Variants in AGBL4 observed in about 807,000 individuals in gnomAD.
AGBL4 encodes AGBL carboxypeptidase 4, also known as cytosolic carboxypeptidase 6.
AGBL4 carries 58 observed loss-of-function variants against 66.4 expected under a neutral mutation model. The ratio of observed to expected loss-of-function variants is 0.87; its 90% CI spans 0.71 to 1.09. AGBL4 has a LOEUF of 1.09. Among genes scored for constraint, AGBL4 ranks in the 50% least tolerant of loss-of-function variants. AGBL4 has a pLI of 0.00. For missense variants in AGBL4, 579 were observed against 631.0 expected, an observed-to-expected ratio of 0.92 and a Z score of 0.88; for synonymous variants, 234 against 222.9, an observed-to-expected ratio of 1.05 and a Z score of -0.44.
chr1:48,680,211 G>T (rs763881163), intron 6 of AGBL4, among the ~76,000 whole-genome samples: 7 of 152,208 alleles, frequency 4.6e-5, no homozygotes, highest in Non-Finnish European at 1.0e-4. Flanking sequence ...GTCAAAAAAT[G>T]AGAACAAATT....
chr1:48,595,075 G>A (rs1644975386), intron 9 of AGBL4, among the ~76,000 whole-genome samples: 1 of 152,110 alleles, frequency 6.6e-6, no homozygotes, highest in Non-Finnish European at 1.5e-5. Flanking sequence ...TATTATAGAA[G>A]CTAATATCAT....
intron 5 of AGBL4, among the ~76,000 whole-genome samples, chr1:49,006,284 G>C (rs553137158): frequency 6.6e-6 from 1 of 152,124 alleles, no homozygotes; most frequent in Non-Finnish European, 1.5e-5. Flanking sequence ...CTGGAAAATC[G>C]GGTCACTCCC....
At chr1:48,637,415 G>T (rs762405493) in intron 8 of AGBL4, among the ~76,000 whole-genome samples, 1 of 152,160 alleles carries the variant, frequency 6.6e-6, no homozygotes, top group Admixed American at 6.5e-5. Flanking sequence ...GTTACTAGAT[G>T]GGGGGTTGAA....
At chr1:49,906,863 T>C (rs1312253440) in intron 1 of AGBL4, among the ~76,000 whole-genome samples, 2 of 152,116 alleles carry the variant, frequency 1.3e-5, no homozygotes, top group Non-Finnish European at 2.9e-5. Context: ...CCAGGAACTA[T>C]TTCACTCTGT....
At chr1:49,215,594 C>A (rs1411821012) in intron 4 of AGBL4, among the ~76,000 whole-genome samples, 3 of 152,070 alleles carry the variant, frequency 2.0e-5, no homozygotes, top group Non-Finnish European at 4.4e-5. Flanking sequence ...TTTCTGTACT[C>A]TTTTTCACAT....
At chr1:48,743,619 T>C (rs986430513) in intron 6 of AGBL4, among the ~76,000 whole-genome samples, 6 of 152,108 alleles carry the variant, frequency 3.9e-5, no homozygotes, top group African/African-American at 1.4e-4. Context: ...ATTTCAGGAG[T>C]TGACTAAGAT....
Position 49,059,679 on chromosome 1 carries a change from C to T in AGBL4, c.378-13879G>A, listed in dbSNP as rs573763782. 7.9e-5 allele frequency among the ~76,000 whole-genome samples: 12 copies of T among 152,244 alleles called. No individual in the cohort carries two copies. In the South Asian group the frequency reaches 2.5e-3, roughly 32 times the overall value. Reference sequence around the variant, plus strand: ...TAAAGCAGCCAGGAGGGGGACTGTACCCTGCAAAGCCACAGGGGCTTTGGC... The same window carrying T: ...TAAAGCAGCCAGGAGGGGGACTGTATCCTGCAAAGCCACAGGGGCTTTGGC... On this transcript the variant is annotated intron_variant, in intron 4 of 13. Coordinates refer to ENST00000371839, the MANE Select transcript of AGBL4 (RefSeq NM_032785.4).
chr1:48,625,312 T>A (rs1190877682), intron 9 of AGBL4, among the ~76,000 whole-genome samples: 3 of 152,108 alleles, frequency 2.0e-5, no homozygotes, highest in Non-Finnish European at 4.4e-5. Flanking sequence ...ATTATAGTCA[T>A]GCATTTCCAG....
chr1:49,366,780 G>A (rs11800335), intron 3 of AGBL4, among the ~76,000 whole-genome samples: 7,490 of 152,230 alleles, frequency 0.049, 577 homozygotes, highest in African/African-American at 0.16. Context: ...GCTTCTTGCT[G>A]CTTTTCAAAT....
chr1:49,752,113 C>A (rs928971552), intron 2 of AGBL4, among the ~76,000 whole-genome samples: 5 of 151,986 alleles, frequency 3.3e-5, no homozygotes, highest in Non-Finnish European at 7.4e-5. Flanking sequence ...TTGTCTTATG[C>A]TAGCTTTTGA....
chr1:49,961,759 A>G (rs1378132752), intron 1 of AGBL4, among the ~76,000 whole-genome samples: 1 of 152,118 alleles, frequency 6.6e-6, no homozygotes, highest in Non-Finnish European at 1.5e-5. Context: ...CAGTAACTAG[A>G]ATATATGCAG....
At chr1:48,688,962 A>G (rs755868534) in intron 6 of AGBL4, among the ~76,000 whole-genome samples, 15 of 152,082 alleles carry the variant, frequency 9.9e-5, no homozygotes, top group Non-Finnish European at 1.3e-4. Context: ...TCTATCAGGC[A>G]GTGGACATCT....
chr1:48,839,261 A>G (rs1429745580), intron 6 of AGBL4, among the ~76,000 whole-genome samples: 1 of 152,148 alleles, frequency 6.6e-6, no homozygotes, highest in Non-Finnish European at 1.5e-5. Flanking sequence ...AACAGCCAAG[A>G]TACTGGACTC....
intron 5 of AGBL4, among the ~76,000 whole-genome samples, chr1:49,017,465 A>C (rs1323600360): frequency 6.6e-6 from 1 of 152,184 alleles, no homozygotes; most frequent in Non-Finnish European, 1.5e-5. Context: ...CCTATTTCTA[A>C]CGTGGCATAA....
chr1:49,796,529 T>A (rs1644734371), intron 2 of AGBL4, among the ~76,000 whole-genome samples: 1 of 150,970 alleles, frequency 6.6e-6, no homozygotes, highest in Non-Finnish European at 1.5e-5. Context: ...AATTTAAAAT[T>A]TAATTTAAAT....
chr1:49,817,742 G>A (rs955912051), intron 2 of AGBL4, among the ~76,000 whole-genome samples: 2 of 152,110 alleles, frequency 1.3e-5, no homozygotes, highest in African/African-American at 2.4e-5. Flanking sequence ...ATATGTAAAA[G>A]GCTAACATCT....
At chr1:49,811,554 T>C (rs1332272136) in intron 2 of AGBL4, among the ~76,000 whole-genome samples, 1 of 152,202 alleles carries the variant, frequency 6.6e-6, no homozygotes, top group East Asian at 1.9e-4. Context: ...TAGGTACTTT[T>C]ACACTAATCG....
At chr1:49,750,663 T>C (rs1651382771) in intron 2 of AGBL4, among the ~76,000 whole-genome samples, 1 of 152,254 alleles carries the variant, frequency 6.6e-6, no homozygotes. Flanking sequence ...GCATTGAATC[T>C]ATAAATTACT....
intron 3 of AGBL4, among the ~76,000 whole-genome samples, chr1:49,364,235 A>T (rs75518537): frequency 0.053 from 8,034 of 152,226 alleles, 239 homozygotes; most frequent in African/African-American, 0.07. Context: ...GTATATGCTT[A>T]ATGCTTGTCC....
Sources: allele counts gnomAD v4.1 joint callset (sites outside exome capture counted in the v4.1 genomes callset), GRCh38; gene constraint gnomAD v4.1.1; transcripts MANE v1.5; gene names NCBI Gene and HGNC (gene_info 2026-07-23, HGNC 2026-07-21).